Variants in NPR3 observed in about 807,000 individuals in gnomAD.
NPR3 encodes natriuretic peptide receptor 3.
A neutral mutation model predicts 54.5 loss-of-function variants in NPR3; 34 were observed. The observed-to-expected ratio is 0.62, with a 90% CI of 0.47 to 0.83. NPR3 has a LOEUF of 0.83. Among genes scored for constraint, NPR3 ranks in the 40% least tolerant of loss-of-function variants. NPR3 has a pLI of 0.00. For missense variants in NPR3, 674 were observed against 720.8 expected (o/e 0.94, Z 0.74); for synonymous variants, 289 against 297.1 (o/e 0.97, Z 0.28).
rs373194659 is a variant in NPR3, at chr5:32,698,102, CT to C, written c.100+8924del. On this transcript the variant is annotated intron_variant, in intron 1 of 5. Transcript: ENST00000509104. ...AGGTTGTTTAATTGAAGTTTTTCTA[CT>C]TTTTTTTGATGTAGGTGCTTATAGC... Among the ~76,000 whole-genome samples the C allele has an allele frequency of 5.9e-5, 9 of 151,354 alleles. No individual in the cohort carries two copies. In the East Asian group the frequency reaches 1.4e-3, roughly 23 times the overall value.
At position 32,748,548 on chromosome 5, in the gene NPR3, G is replaced by T. The variant is rs190916826; in HGVS notation, c.1059+9518G>T. 1.3e-4 allele frequency among the ~76,000 whole-genome samples: 20 copies of T among 152,334 alleles called. No homozygotes were observed. The East Asian group carries it at 3.1e-3, about 23-fold the overall frequency. On this transcript the variant is annotated intron_variant, in intron 3 of 7. Transcript: ENST00000265074. ...AAATGCAGGTTCTTCTAGAGATGCT[G>T]CCCGAGGCAAAGGGAAAGTGGGAGA... is the stretch of plus-strand genomic sequence containing the variant.
chr5:32,771,799 T>C (rs1490815270), intron 3 of NPR3, among the ~76,000 whole-genome samples: 2 of 152,144 alleles, frequency 1.3e-5, no homozygotes, highest in Non-Finnish European at 2.9e-5. Context: ...AGGAGAGCAA[T>C]GAATGCTCTT....
chr5:32,749,273 G>T (rs891697601), intron 3 of NPR3, among the ~76,000 whole-genome samples: 1 of 151,804 alleles, frequency 6.6e-6, no homozygotes, highest in Non-Finnish European at 1.5e-5. Flanking sequence ...GTTGAGATAA[G>T]GTTTTTTCCT....
chr5:32,753,507 A>G (rs1316799673), intron 3 of NPR3, among the ~76,000 whole-genome samples: 1 of 152,022 alleles, frequency 6.6e-6, no homozygotes, highest in Non-Finnish European at 1.5e-5. Context: ...TATACCCATC[A>G]GTGTAACTGA....
At chr5:32,740,650 C>A (rs1739990119) in intron 3 of NPR3, among the ~76,000 whole-genome samples, 1 of 150,726 alleles carries the variant, frequency 6.6e-6, no homozygotes, top group African/African-American at 2.4e-5. Context: ...ATAATATATT[C>A]CAATTAACAC....
chr5:32,784,769 C>T (rs746517563), intron 6 of NPR3, 27 bp from the exon 7 acceptor site: 1 of 1,575,814 alleles, frequency 6.3e-7, no homozygotes, highest in Non-Finnish European at 8.7e-7. Context: ...CCAAATGAAC[C>T]CTGATTATCC....
intron 3 of NPR3, among the ~76,000 whole-genome samples, chr5:32,757,414 T>G (rs1740905312): frequency 6.6e-6 from 1 of 152,238 alleles, no homozygotes; most frequent in Non-Finnish European, 1.5e-5. Context: ...CTGTTATTGG[T>G]GTATAAGAAT....
At chr5:32,732,109 C>T (rs572248249) in intron 2 of NPR3, among the ~76,000 whole-genome samples, 4 of 151,770 alleles carry the variant, frequency 2.6e-5, no homozygotes, top group East Asian at 1.9e-4. Context: ...GGCACGGTGG[C>T]GGGCGCCTGT....
chr5:32,737,859 C>T (rs764931402), intron 2 of NPR3, among the ~76,000 whole-genome samples: 7 of 152,126 alleles, frequency 4.6e-5, no homozygotes, highest in Non-Finnish European at 8.8e-5. Flanking sequence ...GTACCCATAT[C>T]ACGGGGTCTT....
At chr5:32,760,907 A>G (rs1431703638) in intron 3 of NPR3, among the ~76,000 whole-genome samples, 2 of 152,096 alleles carry the variant, frequency 1.3e-5, no homozygotes, top group South Asian at 2.1e-4. Flanking sequence ...CTGTTCTGCC[A>G]CAATGCATTG....
intron 2 of NPR3, among the ~76,000 whole-genome samples, chr5:32,725,264 G>C (rs953592448): frequency 6.6e-6 from 1 of 152,100 alleles, no homozygotes; most frequent in Non-Finnish European, 1.5e-5. Flanking sequence ...TAGAGTAAAA[G>C]TTAAAATAAA....
chr5:32,707,825 C>T (rs1043745060), upstream of NPR3, among the ~76,000 whole-genome samples: 5 of 152,138 alleles, frequency 3.3e-5, no homozygotes, highest in African/African-American at 1.2e-4. Flanking sequence ...TTCTAATACA[C>T]TTCAAAGAAT....
rs931797660 is a variant in NPR3, at chr5:32,782,878, T to C, written c.1291-15T>C. 6.3e-7 allele frequency: 1 copy of C among 1,588,122 alleles called. No homozygotes were observed. The highest frequency in any genetic ancestry group is 1.4e-5 in the African/African-American group (1 of 73,518). On this transcript the variant is annotated splice_polypyrimidine_tract_variant and intron_variant, in intron 5 of 7. Transcript: ENST00000265074. Reference sequence around the variant, plus strand: ...GACTTTTTGGTTTGTCTATTTGTTTTTTGCCTCTATATAGGTTATTGGTGA... The same window carrying C: ...GACTTTTTGGTTTGTCTATTTGTTTCTTGCCTCTATATAGGTTATTGGTGA...
intron 1 of NPR3, among the ~76,000 whole-genome samples, chr5:32,696,357 G>A (rs1460227174): frequency 6.6e-6 from 1 of 151,740 alleles, no homozygotes; most frequent in Non-Finnish European, 1.5e-5. Flanking sequence ...ATTGGTCTCT[G>A]TGTCTGTTTT....
intron 1 of NPR3, among the ~76,000 whole-genome samples, chr5:32,716,069 T>C (rs141352415): frequency 2.6e-5 from 4 of 152,296 alleles, no homozygotes; most frequent in African/African-American, 9.6e-5. Context: ...ACTGTGGAAA[T>C]TCTAAAGGCC....
At chr5:32,703,888 C>T (rs182309734) in intron 1 of NPR3, among the ~76,000 whole-genome samples, 1 of 152,346 alleles carries the variant, frequency 6.6e-6, no homozygotes, top group African/African-American at 2.4e-5. Flanking sequence ...ATGTGTCCCC[C>T]ACATCCACTG....
intron 4 of NPR3, among the ~76,000 whole-genome samples, chr5:32,779,634 T>C (rs905112517): frequency 1.3e-4 from 20 of 152,178 alleles, no homozygotes; most frequent in Admixed American, 4.6e-4. Context: ...CACTTCTTGA[T>C]TACTGCTTGC....
In NPR3 at chr5:32,739,642, G is replaced by A. The variant is rs368905234; in HGVS notation, c.1059+612G>A. Among the ~76,000 whole-genome samples the A allele has an allele frequency of 4.6e-5, 7 of 152,264 alleles. No individual in the cohort carries two copies. The East Asian group carries it at 7.7e-4, about 17-fold the overall frequency. On this transcript the variant is annotated intron_variant, in intron 3 of 7. Transcript: ENST00000265074. ...AAGAGTCAGAACCTCATTTCAGACT[G>A]AGGATTAAACAGAGGGATTCATCTA...
chr5:32,725,115 A>G (rs1187791530), intron 2 of NPR3, among the ~76,000 whole-genome samples: 2 of 151,758 alleles, frequency 1.3e-5, no homozygotes, highest in Non-Finnish European at 2.9e-5. Context: ...GACACTGGGG[A>G]CTTCTAGGGG....
Sources: gnomAD v4.1 joint callset for allele counts (sites outside exome capture counted in the v4.1 genomes callset) on GRCh38, gnomAD v4.1.1 for gene constraint, MANE v1.5 for transcripts, NCBI Gene and HGNC (gene_info 2026-07-23, HGNC 2026-07-21) for gene names.